The following PRDM11 variants were observed in gnomAD, a reference collection of about 807,000 sequenced individuals.
PRDM11 encodes PR domain-containing protein 11.
In PRDM11, 20 loss-of-function variants were observed where a neutral mutation model predicts 97.8. That is an observed-to-expected ratio of 0.20 (90% CI 0.14 to 0.30). PRDM11 has a LOEUF of 0.30. Among genes scored for constraint, PRDM11 ranks in the 10% least tolerant of loss-of-function variants. The pLI is 1.00. For missense variants in PRDM11, 1,139 were observed against 1,555.2 expected, an observed-to-expected ratio of 0.73 and a Z score of 4.50; for synonymous variants, 599 against 637.7, an observed-to-expected ratio of 0.94 and a Z score of 0.91.
At chr11:45,119,089 G>T (rs61585701) in intron 1 of PRDM11, among the ~76,000 whole-genome samples, 66,050 of 152,018 alleles carry the variant, frequency 0.43, 17,306 homozygotes, top group Non-Finnish European at 0.58. Context: ...TTCTTCCACA[G>T]AAGTTTTCTG....
At position 45,134,701 on chromosome 11, in the gene PRDM11, G is replaced by GAAAAAAAAAAAAAAAA. The variant is rs1191008824; in HGVS notation, c.96+38810_96+38825dup. Reference sequence around the variant, plus strand: ...GCAACAGAGTGAGACCCTGTCTCACGAAAAAAAAAAAAAAAAAAAAAAAAA... The same window carrying GAAAAAAAAAAAAAAAA: ...GCAACAGAGTGAGACCCTGTCTCACGAAAAAAAAAAAAAAAAAAAAAAAAAAAAAAAAAAAAAAAAA... On this transcript the variant is annotated intron_variant, in intron 1 of 6. Coordinates refer to the PRDM11 transcript ENST00000530656. Among the ~76,000 whole-genome samples the GAAAAAAAAAAAAAAAA allele has an allele frequency of 6.4e-3, 282 of 44,286 alleles. 11 individuals are homozygous for GAAAAAAAAAAAAAAAA. Among genetic ancestry groups the GAAAAAAAAAAAAAAAA allele is most frequent in the African/African-American group, 8.4e-3 (79 of 9,410 alleles). The allele number at this position is 44,286 out of a possible 152,430, so 29.1% of individuals were successfully genotyped here. A position where few individuals can be genotyped will look rare whatever the true frequency, so the allele number is the denominator to read the frequency against.
chr11:45,179,287 A>G (rs1371553431), intron 1 of PRDM11, among the ~76,000 whole-genome samples: 1 of 152,240 alleles, frequency 6.6e-6, no homozygotes, highest in African/African-American at 2.4e-5. Context: ...TGATGTCACT[A>G]GCACTCATCT....
At chr11:45,100,397 C>T (rs1851952619) in intron 1 of PRDM11, among the ~76,000 whole-genome samples, 1 of 152,234 alleles carries the variant, frequency 6.6e-6, no homozygotes, top group Non-Finnish European at 1.5e-5. Context: ...AACTCATGCT[C>T]AGCCTTTCAC....
chr11:45,205,217 A>G (rs1853465983), intron 5 of PRDM11, among the ~76,000 whole-genome samples: 2 of 152,194 alleles, frequency 1.3e-5, no homozygotes, highest in Non-Finnish European at 2.9e-5. Flanking sequence ...TCTTCAGCTC[A>G]GTTTTTGACA....
chr11:45,168,094 G>A (rs1324854856), intron 1 of PRDM11, among the ~76,000 whole-genome samples: 1 of 152,202 alleles, frequency 6.6e-6, no homozygotes, highest in Admixed American at 6.5e-5. Flanking sequence ...GACTGTTGAG[G>A]TGTCTTTAAT....
intron 5 of PRDM11, among the ~76,000 whole-genome samples, chr11:45,206,559 C>T (rs537086380): frequency 1.2e-4 from 19 of 152,328 alleles, no homozygotes; most frequent in African/African-American, 4.6e-4. Flanking sequence ...GCCCATAGAA[C>T]CGAATCTGTT....
chr11:45,103,409 T>G (rs1233640087), intron 1 of PRDM11, among the ~76,000 whole-genome samples: 2 of 152,074 alleles, frequency 1.3e-5, no homozygotes, highest in African/African-American at 4.8e-5. Context: ...GGAAATAACT[T>G]GTATAGCCTA....
chr11:45,161,308 G>A (rs1194490936), intron 1 of PRDM11, among the ~76,000 whole-genome samples: 1 of 152,216 alleles, frequency 6.6e-6, no homozygotes, highest in Non-Finnish European at 1.5e-5. Flanking sequence ...GCTCCCAGAG[G>A]GCAGTCTGCG....
At chr11:45,140,968 A>G (rs1851392368) in intron 1 of PRDM11, among the ~76,000 whole-genome samples, 1 of 152,140 alleles carries the variant, frequency 6.6e-6, no homozygotes, top group Non-Finnish European at 1.5e-5. Flanking sequence ...TCCAAAATGG[A>G]GAGAGTTGCC....
At chr11:45,172,212 G>A (rs560340823) in intron 1 of PRDM11, among the ~76,000 whole-genome samples, 1 of 152,300 alleles carries the variant, frequency 6.6e-6, no homozygotes, top group African/African-American at 2.4e-5. Flanking sequence ...AAGGGACCTG[G>A]AGCTTCCATG....
intron 4 of PRDM11, among the ~76,000 whole-genome samples, chr11:45,193,022 C>A (rs7108362): frequency 0.097 from 14,779 of 152,200 alleles, 1,091 homozygotes; most frequent in Admixed American, 0.24. Context: ...AGTGTGATAT[C>A]TTTACTTTCC....
intron 1 of PRDM11, among the ~76,000 whole-genome samples, chr11:45,176,099 T>C (rs1478430401): frequency 6.6e-6 from 1 of 152,180 alleles, no homozygotes; most frequent in Non-Finnish European, 1.5e-5. Context: ...AAACAATTTT[T>C]GGCCGGGTGT....
chr11:45,169,490 A>T (rs1430872786), intron 1 of PRDM11, among the ~76,000 whole-genome samples: 1 of 152,254 alleles, frequency 6.6e-6, no homozygotes, highest in Non-Finnish European at 1.5e-5. Flanking sequence ...TAATGTTCCA[A>T]GTGTATTACA....
intron 5 of PRDM11, chr11:45,209,230 C>G (rs1042261584): frequency 9.6e-6 from 4 of 416,554 alleles, no homozygotes; most frequent in South Asian, 3.4e-5. Flanking sequence ...GCGCTGCTCA[C>G]GGCCCGTGCA....
At chr11:45,141,801 A>G (rs1475867351), upstream of PRDM11, among the ~76,000 whole-genome samples, 2 of 152,116 alleles carry the variant, frequency 1.3e-5, no homozygotes, top group African/African-American at 4.8e-5. Flanking sequence ...TATTATCTCT[A>G]GCTCCCAATT....
chr11:45,168,261 G>C (rs1460138782), intron 1 of PRDM11, among the ~76,000 whole-genome samples: 1 of 152,166 alleles, frequency 6.6e-6, no homozygotes, highest in East Asian at 1.9e-4. Context: ...GACTCCTTAT[G>C]CCCCTGCAGC....
chr11:45,200,511 T>G (rs531858519), intron 4 of PRDM11, among the ~76,000 whole-genome samples: 8 of 152,362 alleles, frequency 5.3e-5, no homozygotes, highest in African/African-American at 1.9e-4. Flanking sequence ...AGCAAAGATC[T>G]GCCCAAGGCC....
At chr11:45,189,699 C>A (rs1345593127) in intron 4 of PRDM11, among the ~76,000 whole-genome samples, 3 of 152,170 alleles carry the variant, frequency 2.0e-5, no homozygotes, top group Non-Finnish European at 2.9e-5. Flanking sequence ...TTGACAATTT[C>A]TTTTAAAACT....
Position 45,173,135 on chromosome 11 carries a change from T to C in PRDM11, c.-6-8626T>C, listed in dbSNP as rs138100579. On this transcript the variant is annotated intron_variant, in intron 1 of 7. Transcript: ENST00000683152. ...CCAGTCATTGGGGAGGGAGGTGGCA[T>C]TGCTAGAATTGGCTTAGATGAACCT... is the stretch of plus-strand genomic sequence containing the variant. 6.4e-4 allele frequency among the ~76,000 whole-genome samples: 97 copies of C among 152,288 alleles called. No individual in the cohort carries two copies. In the East Asian group the frequency reaches 0.017, roughly 27 times the overall value.
Sources: gnomAD v4.1 joint callset for allele counts (sites outside exome capture counted in the v4.1 genomes callset) on GRCh38, gnomAD v4.1.1 for gene constraint, MANE v1.5 for transcripts, NCBI Gene and HGNC (gene_info 2026-07-23, HGNC 2026-07-21) for gene names.